MAST4: variants seen among roughly 807,000 people sequenced by gnomAD.
MAST4 encodes microtubule-associated serine/threonine-protein kinase 4.
A neutral mutation model predicts 162.7 loss-of-function variants in MAST4; 89 were observed. The observed-to-expected ratio is 0.55, with a 90% CI of 0.46 to 0.65. The LOEUF is 0.65. Among genes scored for constraint, MAST4 ranks in the 30% least tolerant of loss-of-function variants. The pLI, the probability that MAST4 is intolerant of heterozygous loss-of-function variation, is 0.00. For synonymous variants in MAST4, 1,479 were observed against 1,361.1 expected, an observed-to-expected ratio of 1.09 and a Z score of -1.91; for missense variants, 3,153 against 3,374.0, an observed-to-expected ratio of 0.93 and a Z score of 1.62.
intron 3 of MAST4, among the ~76,000 whole-genome samples, chr5:66,853,330 A>G (rs1038221668): frequency 6.6e-6 from 1 of 152,062 alleles, no homozygotes; most frequent in African/African-American, 2.4e-5. Context: ...ATTTCCCCAT[A>G]TCTTTGTTTT....
chr5:66,641,548 GCT>G (rs1393756590), intron 1 of MAST4, among the ~76,000 whole-genome samples: 4 of 152,190 alleles, frequency 2.6e-5, no homozygotes, highest in Admixed American at 2.0e-4. Flanking sequence ...CATCCCTAGT[GCT>G]CAGATTGTGG....
intron 4 of MAST4, among the ~76,000 whole-genome samples, chr5:66,910,555 A>C (rs762234134): frequency 1.3e-5 from 2 of 152,008 alleles, no homozygotes; most frequent in Non-Finnish European, 2.9e-5. Context: ...TTGACTCTTG[A>C]GATTTAAATT....
At chr5:66,648,071 T>A (rs914344313) in intron 1 of MAST4, among the ~76,000 whole-genome samples, 3 of 90,000 alleles carry the variant, frequency 3.3e-5, no homozygotes, top group African/African-American at 1.4e-4. Context: ...TGTGTGTGTG[T>A]GTGTGTGTGT....
intron 1 of MAST4, among the ~76,000 whole-genome samples, chr5:66,597,885 G>A (rs1287157213): frequency 6.6e-6 from 1 of 150,812 alleles, no homozygotes; most frequent in Non-Finnish European, 1.5e-5. Context: ...ACGTCTCAGA[G>A]CCAGACTCAG....
Position 67,102,620 on chromosome 5 carries a change from T to C in MAST4, c.1146+9T>C. 1.2e-6 allele frequency: 2 copies of C among 1,608,820 alleles called. No homozygotes were observed. The highest frequency in any genetic ancestry group is 1.7e-6 in the Non-Finnish European group (2 of 1,175,180). On this transcript the variant is annotated intron_variant, in intron 9 of 28. Transcript: ENST00000403625. Reference sequence around the variant, plus strand: ...AAGAAAGGTTCCCAAAGGTAATGAATTGAATTGAAGATGCCTAGCATCTAA... The same window carrying C: ...AAGAAAGGTTCCCAAAGGTAATGAACTGAATTGAAGATGCCTAGCATCTAA...
At chr5:66,962,905 T>C (rs1245741073) in intron 4 of MAST4, among the ~76,000 whole-genome samples, 1 of 152,192 alleles carries the variant, frequency 6.6e-6, no homozygotes, top group East Asian at 1.9e-4. Flanking sequence ...GATCTATTGG[T>C]TAAATTGTTG....
intron 4 of MAST4, among the ~76,000 whole-genome samples, chr5:67,013,858 A>G (rs1040510685): frequency 3.9e-5 from 6 of 152,184 alleles, no homozygotes; most frequent in African/African-American, 1.4e-4. Flanking sequence ...TCGAGGAAAT[A>G]TGGTAAATGA....
intron 3 of MAST4, among the ~76,000 whole-genome samples, chr5:66,789,481 T>C (rs1755283366): frequency 6.6e-6 from 1 of 152,258 alleles, no homozygotes; most frequent in Non-Finnish European, 1.5e-5. Flanking sequence ...TCCACAGTCT[T>C]TGTCTTTTAT....
chr5:66,611,714 C>T (rs945035291), intron 1 of MAST4, among the ~76,000 whole-genome samples: 42 of 152,194 alleles, frequency 2.8e-4, no homozygotes, highest in African/African-American at 8.9e-4. Flanking sequence ...GGAAGGTGCT[C>T]GCTTTGTACT....
At position 67,169,307 on chromosome 5, in the gene MAST4, C is replaced by T. The variant is rs1774364331; in HGVS notation, c.*2256C>T. On this transcript the variant is annotated 3_prime_UTR_variant, in exon 29 of 29. Coordinates refer to ENST00000403625, the MANE Select transcript of MAST4 (RefSeq NM_001164664.2). ...AGTAAAGAGTACTTAAGGTTGCATT[C>T]ATGTATTACATGTTTGTTGTTGTAA... 6.6e-6 allele frequency: 1 copy of T among 152,274 alleles called. No homozygotes were observed. The highest frequency in any genetic ancestry group is 1.9e-4 in the East Asian group (1 of 5,188). 9.4% of individuals were successfully genotyped at this position (152,274 alleles called of 1,614,324 possible).
intron 5 of MAST4, among the ~76,000 whole-genome samples, chr5:67,057,412 C>T (rs539006030): frequency 6.6e-6 from 1 of 152,074 alleles, no homozygotes; most frequent in Non-Finnish European, 1.5e-5. Flanking sequence ...ACGGACACAT[C>T]GTTTGTACCT....
rs27396 is a variant in MAST4 at position 66,947,444 on chromosome 5, T to C, written c.674+47462T>C. On this transcript the variant is annotated intron_variant, in intron 4 of 28. Transcript: ENST00000403625. ...GCACATCAAGTTTCAAGTCTGAGCT[T>C]TTGTGGAAATCACAGTGTAATGGGT... 9.2e-5 allele frequency among the ~76,000 whole-genome samples: 14 copies of C among 152,300 alleles called. No homozygotes were observed. The East Asian group carries it at 2.7e-3, about 29-fold the overall frequency.
At chr5:66,936,788 A>G (rs1224361566) in intron 4 of MAST4, among the ~76,000 whole-genome samples, 1 of 152,246 alleles carries the variant, frequency 6.6e-6, no homozygotes, top group Non-Finnish European at 1.5e-5. Flanking sequence ...CCTGACGAAT[A>G]TTACCCTTTA....
intron 26 of MAST4, among the ~76,000 whole-genome samples, chr5:67,154,220 C>T (rs1772209421): frequency 6.6e-6 from 1 of 152,184 alleles, no homozygotes; most frequent in African/African-American, 2.4e-5. Context: ...AGGACACACA[C>T]TGATCCTCTC....
chr5:66,644,723 T>G (rs929539083), intron 1 of MAST4, among the ~76,000 whole-genome samples: 2 of 151,922 alleles, frequency 1.3e-5, no homozygotes, highest in African/African-American at 2.4e-5. Context: ...TGATTCTTTG[T>G]TTTGGACAGC....
rs903231909 is a variant in MAST4 at position 67,168,894 on chromosome 5, A to G, written c.*1843A>G. The G allele has an allele frequency of 6.6e-5, 10 of 152,276 alleles. No homozygotes were observed. The highest frequency in any genetic ancestry group is 2.4e-4 in the African/African-American group (10 of 41,558). The allele number at this position is 152,276 out of a possible 1,614,324, so 9.4% of individuals were successfully genotyped here. A position where few individuals can be genotyped will look rare whatever the true frequency, so the allele number is the denominator to read the frequency against. Reference sequence around the variant, plus strand: ...AAATGAATTGGCTTTGGGAAAAAGGAAAAAAACAAACAAAAAAAGAAAAAG... The same window carrying G: ...AAATGAATTGGCTTTGGGAAAAAGGGAAAAAACAAACAAAAAAAGAAAAAG... On this transcript the variant is annotated 3_prime_UTR_variant, in exon 29 of 29. Coordinates refer to ENST00000403625, the MANE Select transcript of MAST4 (RefSeq NM_001164664.2).
chr5:66,973,819 T>C (rs1747772759), intron 4 of MAST4, among the ~76,000 whole-genome samples: 1 of 152,202 alleles, frequency 6.6e-6, no homozygotes, highest in Non-Finnish European at 1.5e-5. Flanking sequence ...CATTTTTCTA[T>C]AGAATAAAAT....
At chr5:67,137,910 C>G (rs1333751944) in intron 19 of MAST4, among the ~76,000 whole-genome samples, 1 of 152,142 alleles carries the variant, frequency 6.6e-6, no homozygotes, top group Non-Finnish European at 1.5e-5. Context: ...CTTTCCAGAC[C>G]CTGCATTAGA....
At chr5:66,649,261 C>G (rs1161897527) in intron 1 of MAST4, among the ~76,000 whole-genome samples, 4 of 152,114 alleles carry the variant, frequency 2.6e-5, no homozygotes, top group South Asian at 4.1e-4. Context: ...CTCTGACATA[C>G]TCAGGGTTGT....
Sources: gnomAD v4.1 joint callset for allele counts (sites outside exome capture counted in the v4.1 genomes callset) on GRCh38, gnomAD v4.1.1 for gene constraint, MANE v1.5 for transcripts, NCBI Gene and HGNC (gene_info 2026-07-23, HGNC 2026-07-21) for gene names.